TAF4B: variants seen among roughly 807,000 people sequenced by gnomAD.
TAF4B encodes transcription initiation factor TFIID subunit 4B.
A neutral mutation model predicts 86.4 loss-of-function variants in TAF4B; 38 were observed. That is an observed-to-expected ratio of 0.44 (90% CI 0.34 to 0.58). TAF4B has a LOEUF of 0.58. TAF4B is among the 20% of genes least tolerant of loss of function. The pLI is 0.02. For missense variants in TAF4B, 988 were observed against 1,027.6 expected (o/e 0.96, Z 0.53); for synonymous variants, 388 against 391.2 (o/e 0.99, Z 0.10).
intron 6 of TAF4B, among the ~76,000 whole-genome samples, chr18:26,284,297 A>G (rs550141307): frequency 1.3e-5 from 2 of 152,338 alleles, no homozygotes; most frequent in South Asian, 4.1e-4. Flanking sequence ...GGAATGTTGT[A>G]GCTGGTTTGA....
intron 7 of TAF4B, among the ~76,000 whole-genome samples, chr18:26,288,930 G>A (rs931579097): frequency 6.6e-6 from 1 of 151,988 alleles, no homozygotes; most frequent in African/African-American, 2.4e-5. Flanking sequence ...CATTTTCCCT[G>A]TGAATTCTGC....
rs752505862 is a variant in TAF4B, at chr18:26,292,351, A to T, written c.1696A>T (p.Thr566Ser). 5 of 1,614,134 alleles carry T rather than the reference A, an allele frequency of 3.1e-6. No homozygotes were observed. The highest frequency in any genetic ancestry group is 3.3e-5 in the Admixed American group (2 of 60,008). The change falls in exon 8 of 15, where the codon ACC becomes TCC. Residue 566 changes from threonine to serine, a missense_variant. Around this residue, in one of 3 missense-constraint regions of TAF4B, gnomAD observed 747 missense variants for 737.9 expected, o/e 1.01. Transcript: ENST00000269142. ...TGGACAGAAGACGATGCCAGTGAAC[A>T]CCATAATACCTACTAGTCAGTTTCC... ...KCGQKTMPVN[T>S]IIPTSQFPPA...
At chr18:26,349,768 C>A (rs966584219) in intron 13 of TAF4B, among the ~76,000 whole-genome samples, 2 of 152,164 alleles carry the variant, frequency 1.3e-5, no homozygotes, top group African/African-American at 4.8e-5. Context: ...GCAAAAAGAA[C>A]AAAGCTGGAG....
At chr18:26,287,000 C>T (rs948040282) in intron 7 of TAF4B, among the ~76,000 whole-genome samples, 15 of 152,046 alleles carry the variant, frequency 9.9e-5, no homozygotes, top group African/African-American at 1.4e-4. Context: ...CAAACACACA[C>T]GTAAGTCTTT....
At chr18:26,302,152 A>G (rs1348809688) in intron 9 of TAF4B, among the ~76,000 whole-genome samples, 1 of 152,068 alleles carries the variant, frequency 6.6e-6, no homozygotes, top group African/African-American at 2.4e-5. Flanking sequence ...TTAATTCTTT[A>G]TACTTTTTTT....
chr18:26,230,689 C>A (rs567694224), intron 1 of TAF4B, among the ~76,000 whole-genome samples: 1 of 152,336 alleles, frequency 6.6e-6, no homozygotes, highest in Non-Finnish European at 1.5e-5. Flanking sequence ...CTTTCACTCT[C>A]ATAGTACTCC....
At chr18:26,230,265 A>G (rs1023398713) in intron 1 of TAF4B, among the ~76,000 whole-genome samples, 1 of 152,200 alleles carries the variant, frequency 6.6e-6, no homozygotes, top group African/African-American at 2.4e-5. Flanking sequence ...ATACTGTACA[A>G]AAGTGTGAAA....
At chr18:26,323,860 T>A (rs570754942) in intron 11 of TAF4B, among the ~76,000 whole-genome samples, 110 of 152,338 alleles carry the variant, frequency 7.2e-4, no homozygotes, top group African/African-American at 2.2e-3. Flanking sequence ...GATCATTTTT[T>A]AAAATTCATT....
chr18:26,347,530 C>G (rs1241838395), intron 13 of TAF4B, among the ~76,000 whole-genome samples: 1 of 152,106 alleles, frequency 6.6e-6, no homozygotes, highest in Non-Finnish European at 1.5e-5. Flanking sequence ...ATATAGAAAA[C>G]AACCAGAAAA....
intron 1 of TAF4B, among the ~76,000 whole-genome samples, chr18:26,263,798 C>T (rs1238401867): frequency 3.3e-5 from 5 of 151,838 alleles, no homozygotes; most frequent in South Asian, 2.1e-4. Flanking sequence ...ATTGCAGCCT[C>T]GAGCTTGTGG....
intron 3 of TAF4B, among the ~76,000 whole-genome samples, chr18:26,268,026 C>G (rs1183954716): frequency 7.2e-5 from 11 of 152,112 alleles, no homozygotes. Flanking sequence ...GATATATGGC[C>G]GGTCAGCATT....
At chr18:26,239,213 A>C (rs2055797706) in intron 1 of TAF4B, among the ~76,000 whole-genome samples, 1 of 152,198 alleles carries the variant, frequency 6.6e-6, no homozygotes, top group East Asian at 1.9e-4. Context: ...CCAACAGTGT[A>C]AAAGTGTTCC....
intron 13 of TAF4B, chr18:26,349,051 G>C (rs1257636452): frequency 1.3e-5 from 2 of 152,120 alleles, no homozygotes; most frequent in East Asian, 3.9e-4. Context: ...TGCATGCTAA[G>C]ACCTTGACCC....
rs1568116148 is a variant in TAF4B at position 26,267,649 on chromosome 18, CTTG to C, written c.597+32_597+34del. The C allele has an allele frequency of 1.3e-5, 20 of 1,494,366 alleles. No individual in the cohort carries two copies. The South Asian group carries it at 1.6e-4, about 12-fold the overall frequency. 92.6% of individuals were successfully genotyped at this position (1,494,366 alleles called of 1,614,324 possible). The stretch of plus-strand genomic sequence containing the variant: ...GTAAGTTGTGCTGGCCATTCGTGCA[CTTG>C]TTGTTCTCTTAACTTTTAAAAAAAT... On this transcript the variant is annotated intron_variant, in intron 3 of 14. Transcript: ENST00000269142.
At chr18:26,234,923 T>G (rs2055726399) in intron 1 of TAF4B, among the ~76,000 whole-genome samples, 1 of 152,202 alleles carries the variant, frequency 6.6e-6, no homozygotes, top group Non-Finnish European at 1.5e-5. Flanking sequence ...ATCCTTTCCT[T>G]GTGTTATTTT....
intron 12 of TAF4B, among the ~76,000 whole-genome samples, chr18:26,327,792 G>T (rs1234284243): frequency 2.0e-5 from 3 of 152,186 alleles, no homozygotes; most frequent in Non-Finnish European, 4.4e-5. Context: ...CACCATGTTG[G>T]CCAGGTTGGT....
intron 10 of TAF4B, among the ~76,000 whole-genome samples, chr18:26,317,014 C>A (rs906003976): frequency 3.4e-5 from 5 of 146,810 alleles, no homozygotes; most frequent in Admixed American, 1.4e-4. Context: ...TTATCGGTCA[C>A]CCTCCCTTCC....
intron 3 of TAF4B, among the ~76,000 whole-genome samples, chr18:26,272,980 A>C (rs553658484): frequency 6.6e-6 from 1 of 152,280 alleles, no homozygotes; most frequent in Admixed American, 6.5e-5. Context: ...CCTCATCATT[A>C]ATCAGTAATT....
At chr18:26,336,428 T>TA (rs1189933600) in intron 13 of TAF4B, among the ~76,000 whole-genome samples, 2 of 152,088 alleles carry the variant, frequency 1.3e-5, no homozygotes, top group African/African-American at 2.4e-5. Context: ...GGAAATCTAG[T>TA]AAGATTCTTA....
Sources: gnomAD v4.1 joint callset for allele counts (sites outside exome capture counted in the v4.1 genomes callset) on GRCh38, gnomAD v4.1.1 for gene constraint, gnomAD v4.1.1 regional missense constraint, MANE v1.5 for transcripts, NCBI Gene and HGNC (gene_info 2026-07-23, HGNC 2026-07-21) for gene names.